LINGO2: variants seen among roughly 807,000 people sequenced by gnomAD.
LINGO2 encodes leucine rich repeat and Ig domain containing 2, also known as leucine-rich repeat and immunoglobulin-like domain-containing nogo receptor-interacting protein 2.
In LINGO2, 14 loss-of-function variants were observed where a neutral mutation model predicts 30.6. The observed-to-expected ratio is 0.46, with a 90% CI of 0.30 to 0.72. LINGO2 has a LOEUF of 0.72. Ranked by LOEUF, LINGO2 falls within the 30% of genes least tolerant of loss-of-function variation. The pLI, the probability that LINGO2 is intolerant of heterozygous loss-of-function variation, is 0.07. For missense variants in LINGO2, 729 were observed against 751.7 expected (o/e 0.97, Z 0.35); for synonymous variants, 317 against 288.5 (o/e 1.10, Z -1.00).
At chr9:28,232,871 G>T (rs1038402848) in intron 4 of LINGO2, among the ~76,000 whole-genome samples, 12 of 150,940 alleles carry the variant, frequency 8.0e-5, no homozygotes, top group Non-Finnish European at 1.8e-4. Flanking sequence ...GAAAAAAAAA[G>T]GCATGTCAAC....
chr9:28,146,024 T>G (rs1827803298), intron 4 of LINGO2, among the ~76,000 whole-genome samples: 1 of 152,178 alleles, frequency 6.6e-6, no homozygotes, highest in Non-Finnish European at 1.5e-5. Context: ...TGTACAGCAT[T>G]GTCAAAAATG....
At chr9:28,580,949 T>C (rs989166242) in intron 1 of LINGO2, among the ~76,000 whole-genome samples, 4 of 152,052 alleles carry the variant, frequency 2.6e-5, no homozygotes, top group Admixed American at 6.6e-5. Context: ...CAAAATAAAT[T>C]CTGGCTGCTC....
At chr9:28,358,445 A>T (rs1820316612) in intron 3 of LINGO2, among the ~76,000 whole-genome samples, 1 of 152,126 alleles carries the variant, frequency 6.6e-6, no homozygotes, top group Admixed American at 6.6e-5. Flanking sequence ...AAATGGAGAG[A>T]ATAATTCATG....
chr9:28,030,955 C>A (rs1823637844), intron 4 of LINGO2, among the ~76,000 whole-genome samples: 1 of 152,100 alleles, frequency 6.6e-6, no homozygotes, highest in South Asian at 2.1e-4. Flanking sequence ...CACTTTGAGA[C>A]AAAGGGGTAG....
chr9:28,748,507 C>G, the LINGO2 span, among the ~76,000 whole-genome samples: 1 of 152,008 alleles, frequency 6.6e-6, no homozygotes, highest in African/African-American at 2.4e-5. Flanking sequence ...TACTAAAACA[C>G]TGTTTTTGTT....
intron 4 of LINGO2, among the ~76,000 whole-genome samples, chr9:28,106,393 T>C (rs1434906960): frequency 6.6e-6 from 1 of 152,136 alleles, no homozygotes; most frequent in African/African-American, 2.4e-5. Flanking sequence ...TGACAACTGT[T>C]CTTATTACAA....
intron 5 of LINGO2, among the ~76,000 whole-genome samples, chr9:27,952,582 C>T (rs1391325932): frequency 2.0e-5 from 3 of 151,768 alleles, no homozygotes; most frequent in Non-Finnish European, 4.4e-5. Context: ...GCTATTTACA[C>T]AAAAATAAAG....
At chr9:27,955,892 G>A (rs974712394) in intron 5 of LINGO2, among the ~76,000 whole-genome samples, 1 of 151,192 alleles carries the variant, frequency 6.6e-6, no homozygotes, top group Non-Finnish European at 1.5e-5. Flanking sequence ...AGCAATGCAA[G>A]GGAGTTTCAT....
At chr9:28,393,977 G>A (rs1821941274) in intron 2 of LINGO2, among the ~76,000 whole-genome samples, 1 of 148,064 alleles carries the variant, frequency 6.8e-6, no homozygotes, top group South Asian at 2.2e-4. Flanking sequence ...TGGTAAGTTG[G>A]TTGATAACTT....
intron 3 of LINGO2, among the ~76,000 whole-genome samples, chr9:28,339,789 TATTAGAACTTCATTCCTACAGGAGTCA>T (rs1479107672): frequency 6.6e-6 from 1 of 152,148 alleles, no homozygotes; most frequent in African/African-American, 2.4e-5. Context: ...GAAGATCTGT[TATTAGAACTTCATTCCTACAGGAGTCA>T]AAGTTAGGAA....
At chr9:28,637,545 T>C (rs959419668) in intron 1 of LINGO2, among the ~76,000 whole-genome samples, 3 of 152,200 alleles carry the variant, frequency 2.0e-5, no homozygotes, top group Non-Finnish European at 2.9e-5. Flanking sequence ...ACATCACTTG[T>C]AAGTTGGATT....
the LINGO2 span, among the ~76,000 whole-genome samples, chr9:29,153,005 C>A: frequency 2.0e-5 from 3 of 151,876 alleles, no homozygotes; most frequent in Non-Finnish European, 4.4e-5. Flanking sequence ...AAGAATATAT[C>A]TTTGTAGGCA....
At chr9:29,027,669 A>G in the LINGO2 span, among the ~76,000 whole-genome samples, 1 of 152,162 alleles carries the variant, frequency 6.6e-6, no homozygotes, top group East Asian at 1.9e-4. Context: ...TTTTTCTTAA[A>G]CAGAGCTGTA....
chr9:28,212,890 A>T (rs577462765), intron 4 of LINGO2, among the ~76,000 whole-genome samples: 1 of 151,594 alleles, frequency 6.6e-6, no homozygotes, highest in South Asian at 2.1e-4. Flanking sequence ...AAATTTGTTT[A>T]TCAAGGAATT....
At chr9:28,439,121 C>G (rs1424755975) in intron 2 of LINGO2, among the ~76,000 whole-genome samples, 1 of 146,632 alleles carries the variant, frequency 6.8e-6, no homozygotes, top group Admixed American at 6.9e-5. Flanking sequence ...TAGATAATAT[C>G]TATTTATACA....
At chr9:28,456,416 T>C (rs1225861602) in intron 2 of LINGO2, among the ~76,000 whole-genome samples, 1 of 152,184 alleles carries the variant, frequency 6.6e-6, no homozygotes, top group Non-Finnish European at 1.5e-5. Flanking sequence ...AGAGGCATGG[T>C]AGTGAATTTC....
chr9:28,584,958 G>C (rs1824457948), intron 1 of LINGO2, among the ~76,000 whole-genome samples: 1 of 19,050 alleles, frequency 5.2e-5, no homozygotes, highest in African/African-American at 2.1e-4. Flanking sequence ...TTTTTTTTGA[G>C]ACGGAGTCTC....
At chr9:28,500,043 C>T (rs1040843621) in intron 1 of LINGO2, among the ~76,000 whole-genome samples, 2 of 152,132 alleles carry the variant, frequency 1.3e-5, no homozygotes, top group Admixed American at 6.5e-5. Context: ...TAGCAACCTC[C>T]GTCTCTAGTT....
At chr9:29,161,270 A>T in the LINGO2 span, among the ~76,000 whole-genome samples, 1 of 152,344 alleles carries the variant, frequency 6.6e-6, no homozygotes, top group Middle Eastern at 3.4e-3. Flanking sequence ...GCTGCTGCTG[A>T]GAGAGCTGCT....
Sources: allele counts gnomAD v4.1 joint callset (sites outside exome capture counted in the v4.1 genomes callset), GRCh38; gene constraint gnomAD v4.1.1; transcripts MANE v1.5; gene names NCBI Gene and HGNC (gene_info 2026-07-23, HGNC 2026-07-21).